Variants in ETV6 observed in about 807,000 individuals in gnomAD.
The protein encoded by ETV6 is ETS variant transcription factor 6.
ETV6 carries 16 observed loss-of-function variants against 51.1 expected under a neutral mutation model. That is an observed-to-expected ratio of 0.31 (90% CI 0.21 to 0.48). The LOEUF is 0.48. ETV6 is among the 20% of genes least tolerant of loss of function. ETV6 has a pLI of 0.99. For missense variants in ETV6, 458 were observed against 594.8 expected (o/e 0.77, Z 2.39); for synonymous variants, 240 against 224.1 (o/e 1.07, Z -0.64).
intron 1 of ETV6, among the ~76,000 whole-genome samples, chr12:11,698,240 A>G (rs1025255461): frequency 3.3e-5 from 5 of 152,200 alleles, no homozygotes; most frequent in Non-Finnish European, 1.5e-5. Flanking sequence ...GTCTGCTTGC[A>G]TTCCTAACAT....
intron 2 of ETV6, among the ~76,000 whole-genome samples, chr12:11,792,484 C>G (rs565717725): frequency 6.6e-6 from 1 of 151,876 alleles, no homozygotes; most frequent in Non-Finnish European, 1.5e-5. Flanking sequence ...GTCAGGAGTT[C>G]GAGACCAGTC....
Position 11,650,008 on chromosome 12 carries a change from A to G in ETV6, c.-120A>G. The G allele has an allele frequency of 2.1e-6, 2 of 944,392 alleles. No individual in the cohort carries two copies. Among genetic ancestry groups the G allele is most frequent in the Non-Finnish European group, 3.4e-6 (2 of 586,464 alleles). The allele number at this position is 944,392 out of a possible 1,614,324, so 58.5% of individuals were successfully genotyped here. A position where few individuals can be genotyped will look rare whatever the true frequency, so the allele number is the denominator to read the frequency against. ...ACCCCCGGGGCGGCTGCCGGGAGAG[A>G]TGCTGGAAGAAACTTCTTAAATGAC... On this transcript the variant is annotated 5_prime_UTR_variant, in exon 1 of 8. It removes an upstream start codon present in the reference 5' UTR. Coordinates refer to ENST00000396373, the MANE Select transcript of ETV6 (RefSeq NM_001987.5).
At chr12:11,651,176 C>T (rs765432578) in intron 1 of ETV6, among the ~76,000 whole-genome samples, 2 of 152,226 alleles carry the variant, frequency 1.3e-5, no homozygotes, top group African/African-American at 2.4e-5. Context: ...AGGTAGAAAG[C>T]CTTCCGCTCT....
intron 5 of ETV6, among the ~76,000 whole-genome samples, chr12:11,877,115 A>G (rs1946998949): frequency 6.6e-6 from 1 of 152,212 alleles, no homozygotes; most frequent in South Asian, 2.1e-4. Flanking sequence ...CAAAGATTCA[A>G]TTAGGGAAGC....
chr12:11,843,100 C>A (rs981726289), intron 3 of ETV6, among the ~76,000 whole-genome samples: 6 of 152,184 alleles, frequency 3.9e-5, no homozygotes, highest in African/African-American at 1.2e-4. Flanking sequence ...AAGGCACCCA[C>A]TAGAAAGCCA....
At chr12:11,819,938 T>C (rs1289688699) in intron 2 of ETV6, among the ~76,000 whole-genome samples, 1 of 152,224 alleles carries the variant, frequency 6.6e-6, no homozygotes, top group Non-Finnish European at 1.5e-5. Flanking sequence ...AGTGACTCCT[T>C]GTAGCCTTAG....
intron 2 of ETV6, among the ~76,000 whole-genome samples, chr12:11,806,130 C>G (rs534985636): frequency 2.3e-4 from 35 of 152,266 alleles, no homozygotes; most frequent in African/African-American, 7.5e-4. Context: ...CATATGACAA[C>G]AACAGCTTAT....
intron 7 of ETV6, among the ~76,000 whole-genome samples, chr12:11,887,870 G>A (rs990286724): frequency 6.6e-6 from 1 of 152,076 alleles, no homozygotes; most frequent in African/African-American, 2.4e-5. Context: ...GACTCCTCCT[G>A]TATCCCAGTC....
At chr12:11,833,128 G>A (rs1039336986) in intron 2 of ETV6, among the ~76,000 whole-genome samples, 32 of 152,190 alleles carry the variant, frequency 2.1e-4, no homozygotes, top group Non-Finnish European at 5.9e-5. Context: ...ATATGTTCAG[G>A]TAGGGTGAGA....
chr12:11,759,698 T>C (rs943603686), intron 2 of ETV6, among the ~76,000 whole-genome samples: 10 of 152,208 alleles, frequency 6.6e-5, no homozygotes, highest in African/African-American at 2.2e-4. Context: ...GAGGAGTTCC[T>C]GTCCATGAGC....
chr12:11,865,281 T>C (rs1227735086), intron 4 of ETV6, among the ~76,000 whole-genome samples: 2 of 149,904 alleles, frequency 1.3e-5, no homozygotes, highest in African/African-American at 4.9e-5. Context: ...AGTGTCAACA[T>C]AGGTCTCAAA....
chr12:11,861,903 T>G (rs1359143624), intron 4 of ETV6, among the ~76,000 whole-genome samples: 1 of 152,162 alleles, frequency 6.6e-6, no homozygotes, highest in Non-Finnish European at 1.5e-5. Flanking sequence ...ATTTTTTAAT[T>G]CACTTCTTTT....
chr12:11,864,318 C>T (rs1404396438), intron 4 of ETV6, among the ~76,000 whole-genome samples: 1 of 152,236 alleles, frequency 6.6e-6, no homozygotes, highest in Non-Finnish European at 1.5e-5. Context: ...AGATTACTGA[C>T]CAACGCCTGT....
At chr12:11,882,791 G>A (rs1484214818) in intron 5 of ETV6, among the ~76,000 whole-genome samples, 1 of 152,150 alleles carries the variant, frequency 6.6e-6, no homozygotes, top group African/African-American at 2.4e-5. Context: ...CCCCAGAGAA[G>A]GGTGTATGTT....
At chr12:11,859,674 A>T (rs1164293557) in intron 4 of ETV6, among the ~76,000 whole-genome samples, 1 of 152,212 alleles carries the variant, frequency 6.6e-6, no homozygotes, top group African/African-American at 2.4e-5. Context: ...GGTGGGGTTG[A>T]TGCCAGTGCC....
intron 1 of ETV6, among the ~76,000 whole-genome samples, chr12:11,698,342 G>A (rs943102237): frequency 6.6e-6 from 1 of 152,100 alleles, no homozygotes; most frequent in African/African-American, 2.4e-5. Flanking sequence ...CAGTTTCTTT[G>A]GGTCAAGAAT....
intron 2 of ETV6, among the ~76,000 whole-genome samples, chr12:11,782,909 TGACTA>T (rs1384955649): frequency 1.3e-5 from 2 of 152,162 alleles, no homozygotes; most frequent in African/African-American, 4.8e-5. Flanking sequence ...GAAGAAAAGA[TGACTA>T]GGGTATGCCA....
Position 11,892,147 on chromosome 12 carries a change from A to G in ETV6, c.*1101A>G. The G allele has an allele frequency of 4.3e-6, 1 of 232,976 alleles. No individual in the cohort carries two copies. The highest frequency in any genetic ancestry group is 8.5e-6 in the Non-Finnish European group (1 of 118,090). The allele number at this position is 232,976 out of a possible 1,614,324, so 14.4% of individuals were successfully genotyped here. A position where few individuals can be genotyped will look rare whatever the true frequency, so the allele number is the denominator to read the frequency against. ...AGCAGGTAACAGAGGCTAGTGAGAAAGAAAAGCTCCTCTCTGCTCCATTCC... is the reference window on the plus strand; with the variant it reads ...AGCAGGTAACAGAGGCTAGTGAGAAGGAAAAGCTCCTCTCTGCTCCATTCC... On this transcript the variant is annotated 3_prime_UTR_variant, in exon 8 of 8. Coordinates refer to ENST00000396373, the MANE Select transcript of ETV6 (RefSeq NM_001987.5).
chr12:11,650,537 C>T (rs1244003979), intron 1 of ETV6, among the ~76,000 whole-genome samples: 2 of 144,644 alleles, frequency 1.4e-5, no homozygotes, highest in African/African-American at 5.2e-5. Context: ...TTCCTACACC[C>T]AACATGTGAC....
Sources: allele counts gnomAD v4.1 joint callset (sites outside exome capture counted in the v4.1 genomes callset), GRCh38; gene constraint gnomAD v4.1.1; transcripts MANE v1.5; gene names NCBI Gene and HGNC (gene_info 2026-07-23, HGNC 2026-07-21).